The following PHACTR4 variants were observed in gnomAD, a reference collection of about 807,000 sequenced individuals.
PHACTR4 encodes the protein protein phosphatase 1, regulatory subunit 124.
PHACTR4 carries 51 observed loss-of-function variants against 72.7 expected under a neutral mutation model. That is an observed-to-expected ratio of 0.70 (90% CI 0.56 to 0.89). PHACTR4 has a LOEUF of 0.89. Among genes scored for constraint, PHACTR4 ranks in the 40% least tolerant of loss-of-function variants. PHACTR4 has a pLI of 0.00. For synonymous variants in PHACTR4, 255 were observed against 302.5 expected (o/e 0.84, Z 1.63); for missense variants, 731 against 861.8 (o/e 0.85, Z 1.90).
At chr1:28,450,286 A>G (rs1454131425) in intron 2 of PHACTR4, among the ~76,000 whole-genome samples, 3 of 145,930 alleles carry the variant, frequency 2.1e-5, no homozygotes, top group Middle Eastern at 3.6e-3. Context: ...AAGGAAAACT[A>G]CCTTTTTTTT....
intron 2 of PHACTR4, among the ~76,000 whole-genome samples, chr1:28,410,114 G>T (rs11247809): frequency 7.0e-6 from 1 of 142,934 alleles, no homozygotes; most frequent in Admixed American, 7.1e-5. Context: ...CTACAGGCAC[G>T]TGCCACCACA....
chr1:28,445,286 G>A (rs1248989003), intron 2 of PHACTR4, among the ~76,000 whole-genome samples: 1 of 151,680 alleles, frequency 6.6e-6, no homozygotes, highest in South Asian at 2.1e-4. Flanking sequence ...ACAGAGTCTC[G>A]CTATGTTGCC....
At chr1:28,427,875 C>A (rs1016440751) in intron 2 of PHACTR4, among the ~76,000 whole-genome samples, 27 of 152,308 alleles carry the variant, frequency 1.8e-4, no homozygotes, top group African/African-American at 6.3e-4. Context: ...GTTGTGGTTT[C>A]TCAATAATTA....
At chr1:28,464,589 T>C (rs1445122487) in intron 4 of PHACTR4, among the ~76,000 whole-genome samples, 2 of 152,206 alleles carry the variant, frequency 1.3e-5, no homozygotes, top group Non-Finnish European at 2.9e-5. Flanking sequence ...CTAACTCTAT[T>C]CTCACTCCAG....
intron 1 of PHACTR4, among the ~76,000 whole-genome samples, chr1:28,399,378 A>G (rs930318116): frequency 2.6e-5 from 4 of 152,088 alleles, no homozygotes; most frequent in Non-Finnish European, 5.9e-5. Flanking sequence ...ATATTTTTTG[A>G]GTTTAGTATG....
chr1:28,423,145 G>A (rs868868354), intron 2 of PHACTR4, among the ~76,000 whole-genome samples: 1 of 151,920 alleles, frequency 6.6e-6, no homozygotes, highest in Non-Finnish European at 1.5e-5. Context: ...GGGCATGGCG[G>A]CTCATGCCTG....
At chr1:28,377,806 A>G (rs1346770289) in intron 1 of PHACTR4, among the ~76,000 whole-genome samples, 1 of 150,988 alleles carries the variant, frequency 6.6e-6, no homozygotes, top group East Asian at 1.9e-4. Context: ...ACTCTAGCCC[A>G]GGTAGACAGA....
At chr1:28,424,955 G>T (rs866477306) in intron 2 of PHACTR4, among the ~76,000 whole-genome samples, 35 of 151,480 alleles carry the variant, frequency 2.3e-4, no homozygotes, top group African/African-American at 8.5e-4. Context: ...CCACCACCCC[G>T]GCTAATTTTT....
At chr1:28,384,204 C>G (rs896715641) in intron 1 of PHACTR4, among the ~76,000 whole-genome samples, 8 of 152,112 alleles carry the variant, frequency 5.3e-5, no homozygotes, top group African/African-American at 1.7e-4. Flanking sequence ...AGTCCCTCCT[C>G]TTCATTCTTT....
intron 1 of PHACTR4, among the ~76,000 whole-genome samples, chr1:28,375,526 A>G (rs1421499051): frequency 6.6e-6 from 1 of 151,862 alleles, no homozygotes; most frequent in Non-Finnish European, 1.5e-5. Flanking sequence ...TACAAAAAAA[A>G]AAATTAAAAA....
chr1:28,412,816 A>C (rs1429117766), intron 2 of PHACTR4, among the ~76,000 whole-genome samples: 1 of 152,186 alleles, frequency 6.6e-6, no homozygotes, highest in African/African-American at 2.4e-5. Flanking sequence ...AGTCATGAGT[A>C]AAGTTAAGAT....
At chr1:28,380,273 G>A (rs1029501888) in intron 1 of PHACTR4, among the ~76,000 whole-genome samples, 49 of 146,248 alleles carry the variant, frequency 3.4e-4, no homozygotes, top group East Asian at 2.1e-3. Context: ...AGCCAGGATG[G>A]TCTCGATCTC....
At chr1:28,457,315 C>A in intron 2 of PHACTR4, 1 of 448,942 alleles carries the variant, frequency 2.2e-6, no homozygotes, top group South Asian at 1.6e-5. Flanking sequence ...GAGAGAGAGG[C>A]CAGGTGTGGT....
At chr1:28,407,769 C>T (rs1448855059) in intron 2 of PHACTR4, among the ~76,000 whole-genome samples, 1 of 152,074 alleles carries the variant, frequency 6.6e-6, no homozygotes, top group Non-Finnish European at 1.5e-5. Flanking sequence ...ACACAAATAA[C>T]ATTTTTAATT....
chr1:28,477,673 T>C (rs980973928), intron 8 of PHACTR4, among the ~76,000 whole-genome samples: 1 of 152,082 alleles, frequency 6.6e-6, no homozygotes, highest in African/African-American at 2.4e-5. Context: ...AGTCACCCTA[T>C]TGTGCCACCG....
chr1:28,465,578 C>T (rs762090287), intron 4 of PHACTR4, 107 bp from the exon 5 acceptor site: 2 of 1,156,164 alleles, frequency 1.7e-6, no homozygotes, highest in Middle Eastern at 4.4e-4. Flanking sequence ...TAGTGAGACC[C>T]TGTCTCAATT....
chr1:28,438,773 T>A (rs916342463), intron 2 of PHACTR4, among the ~76,000 whole-genome samples: 6 of 152,056 alleles, frequency 3.9e-5, no homozygotes, highest in African/African-American at 1.5e-4. Flanking sequence ...TTATTTAGAA[T>A]TCAGAGATAT....
In PHACTR4 at chr1:28,377,321, C is replaced by G. The variant is rs373004446; in HGVS notation, c.-39+7496C>G. ...TGGCGTGAACTCAGCACACTGCAAC[C>G]TCCGCCTCCTGGGTTCAAGTGATTC... On this transcript the variant is annotated intron_variant, in intron 1 of 13. Transcript: ENST00000373839. Among the ~76,000 whole-genome samples the G allele has an allele frequency of 3.3e-5, 5 of 151,760 alleles. No homozygotes were observed. In the East Asian group the frequency reaches 9.7e-4, roughly 29 times the overall value.
chr1:28,386,584 T>A (rs4908417), intron 1 of PHACTR4, among the ~76,000 whole-genome samples: 58,634 of 152,016 alleles, frequency 0.39, 12,999 homozygotes, highest in African/African-American at 0.6. Flanking sequence ...AAGAACTTGC[T>A]TTATGAATCT....
Sources: allele counts gnomAD v4.1 joint callset (sites outside exome capture counted in the v4.1 genomes callset), GRCh38; gene constraint gnomAD v4.1.1; transcripts MANE v1.5; gene names NCBI Gene and HGNC (gene_info 2026-07-23, HGNC 2026-07-21).